SLC45A4: variants seen among roughly 807,000 people sequenced by gnomAD.
SLC45A4 encodes polyamine-transporter SLC45A4.
A neutral mutation model predicts 63.7 loss-of-function variants in SLC45A4; 32 were observed. That is an observed-to-expected ratio of 0.50 (90% CI 0.38 to 0.67). SLC45A4 has a LOEUF of 0.67. Among genes scored for constraint, SLC45A4 ranks in the 30% least tolerant of loss-of-function variants. The pLI is 0.00. For synonymous variants in SLC45A4, 535 were observed against 510.0 expected, an observed-to-expected ratio of 1.05 and a Z score of -0.66; for missense variants, 1,027 against 1,157.7, an observed-to-expected ratio of 0.89 and a Z score of 1.64.
intron 2 of SLC45A4, among the ~76,000 whole-genome samples, chr8:141,245,927 A>C (rs1407778599): frequency 1.3e-5 from 2 of 152,218 alleles, no homozygotes; most frequent in African/African-American, 2.4e-5. Flanking sequence ...CTAGATTCCA[A>C]ACAACTCCTC....
intron 7 of SLC45A4, among the ~76,000 whole-genome samples, chr8:141,212,796 T>C (rs911351017): frequency 6.6e-6 from 1 of 152,108 alleles, no homozygotes; most frequent in African/African-American, 2.4e-5. Context: ...ACTCTGTCAA[T>C]CCAGTCGGGA....
chr8:141,261,794 C>A (rs1201723094), intron 1 of SLC45A4, among the ~76,000 whole-genome samples: 1 of 152,212 alleles, frequency 6.6e-6, no homozygotes, highest in African/African-American at 2.4e-5. Flanking sequence ...AATGGCCACA[C>A]TGCCCAAGGT....
intron 2 of SLC45A4, among the ~76,000 whole-genome samples, chr8:141,245,179 A>G (rs969680455): frequency 1.3e-5 from 2 of 152,200 alleles, no homozygotes; most frequent in Non-Finnish European, 2.9e-5. Flanking sequence ...CATATGTGTC[A>G]ACTCTGCACA....
chr8:141,271,723 G>A (rs375241373), intron 1 of SLC45A4, among the ~76,000 whole-genome samples: 2 of 152,290 alleles, frequency 1.3e-5, no homozygotes, highest in East Asian at 1.9e-4. Context: ...GGGGAAGTCC[G>A]CAGTTCACCA....
intron 8 of SLC45A4, 59 bp downstream of exon 8, chr8:141,212,138 G>GCCCCCCCCCCCCCACCCCCCCCC: frequency 1.5e-6 from 1 of 664,736 alleles, no homozygotes; most frequent in South Asian, 6.0e-5. Flanking sequence ...TGGCCCCGCC[G>GCCCCCCCCCCCCCACCCCCCCCC]CCCGCCCGCC....
intron 3 of SLC45A4, among the ~76,000 whole-genome samples, chr8:141,220,619 C>G (rs527659343): frequency 2.0e-5 from 3 of 152,244 alleles, no homozygotes; most frequent in African/African-American, 7.2e-5. Flanking sequence ...AGCCCGGGAC[C>G]CAGGCCTGAA....
chr8:141,300,781 C>T (rs1369264936), intron 1 of SLC45A4, among the ~76,000 whole-genome samples: 1 of 152,216 alleles, frequency 6.6e-6, no homozygotes, highest in African/African-American at 2.4e-5. Flanking sequence ...CATTTTAGCC[C>T]AACCAGATGA....
Position 141,256,777 on chromosome 8 carries a change from C to T in SLC45A4, c.-400-2148G>A, listed in dbSNP as rs1207092252. 2 of 362,516 alleles carry T rather than the reference C, an allele frequency of 5.5e-6. No individual in the cohort carries two copies. Among genetic ancestry groups the T allele is most frequent in the Non-Finnish European group, 1.1e-5 (2 of 178,922 alleles). 22.5% of individuals were successfully genotyped at this position (362,516 alleles called of 1,614,324 possible). A position where few individuals can be genotyped will look rare whatever the true frequency, so the allele number is the denominator to read the frequency against. ...TTTCAAGTTTTCCAAATGTCCTCTA[C>T]CGTAGAAACATCTCAATTAAAACAA... On this transcript the variant is annotated intron_variant, in intron 1 of 8. Transcript: ENST00000517878. This position sits in a 1 kb window ranked among gnomAD's most constrained non-coding sequence, Gnocchi z 4.3.
Position 141,207,261 on chromosome 8 carries a change from C to G in SLC45A4, c.*4311G>C, listed in dbSNP as rs1176999769. ...TGTGTGCATGGAGGAAATCAGGGCG[C>G]CGCACAGCTGAACCCTGCGCAGGAC... On this transcript the variant is annotated 3_prime_UTR_variant, in exon 9 of 9. Transcript: ENST00000517878. 1 of 152,366 alleles carries G rather than the reference C, an allele frequency of 6.6e-6. No homozygotes were observed. The highest frequency in any genetic ancestry group is 1.5e-5 in the Non-Finnish European group (1 of 68,144). 9.4% of individuals were successfully genotyped at this position (152,366 alleles called of 1,614,324 possible).
In SLC45A4 at chr8:141,303,970, C is replaced by T. The variant is rs114581566; in HGVS notation, c.-401+4126G>A. Reference sequence around the variant, plus strand: ...GATCCCACTCTGGACTGGCTGGCACCCTTATTCCTGCACTGGGGACAAAAT... The same window carrying T: ...GATCCCACTCTGGACTGGCTGGCACTCTTATTCCTGCACTGGGGACAAAAT... On this transcript the variant is annotated intron_variant, in intron 1 of 8. Coordinates refer to ENST00000517878, the MANE Select transcript of SLC45A4 (RefSeq NM_001286646.2). 8.1e-3 allele frequency among the ~76,000 whole-genome samples: 1,239 copies of T among 152,310 alleles called. 22 individuals carry two copies. The highest frequency in any genetic ancestry group is 0.028 in the African/African-American group (1,179 of 41,562).
chr8:141,234,865 T>C (rs1827541502), intron 2 of SLC45A4, among the ~76,000 whole-genome samples: 1 of 152,162 alleles, frequency 6.6e-6, no homozygotes, highest in African/African-American at 2.4e-5. Flanking sequence ...CCTCCTGGGA[T>C]TGCGTCACTG....
chr8:141,221,855 C>G, intron 2 of SLC45A4, 90 bp from the exon 3 acceptor site: 1 of 1,388,802 alleles, frequency 7.2e-7, no homozygotes, highest in South Asian at 1.3e-5. Flanking sequence ...GCAGGTGCCT[C>G]TGTGTACACG....
chr8:141,282,926 G>A (rs1052083642), intron 1 of SLC45A4, among the ~76,000 whole-genome samples: 13 of 152,236 alleles, frequency 8.5e-5, no homozygotes, highest in African/African-American at 2.2e-4. Flanking sequence ...ATGTCAGCGC[G>A]GCCTCGTGCC....
In SLC45A4 at chr8:141,245,465, G is replaced by A. The variant is rs369787905; in HGVS notation, c.241+8524C>T. On this transcript the variant is annotated intron_variant, in intron 2 of 8. Transcript: ENST00000517878. The stretch of plus-strand genomic sequence containing the variant: ...AACAATGGGCCTTCCGCTCCATCAC[G>A]TCTTCTGTCCAGGGTTCCCAGAGCC... Among the ~76,000 whole-genome samples the A allele has an allele frequency of 7.9e-5, 12 of 152,264 alleles. No homozygotes were observed. In the East Asian group the frequency reaches 1.2e-3, roughly 15 times the overall value.
rs151336979 is a variant in SLC45A4, at chr8:141,211,666, G to C, written c.2333C>G (p.Ser778Trp). ...CAGCTGCGGCACCAGCCAATGTGAC[G>C]AGATCTGACAGACGTCAATACCTGC... ...TPAGIDVCQISSHWLVPQLLE... is the reference protein window; with the variant it reads ...TPAGIDVCQIWSHWLVPQLLE... Residue 778 changes from serine (S) to tryptophan (W), a missense_variant, in exon 9 of 9, where the codon TCG (serine) becomes TGG (tryptophan). Coordinates refer to ENST00000517878, the MANE Select transcript of SLC45A4 (RefSeq NM_001286646.2). The C allele has an allele frequency of 1.2e-6, 2 of 1,603,720 alleles. No individual in the cohort carries two copies. The highest frequency in any genetic ancestry group is 3.4e-5 in the Admixed American group (2 of 58,916).
chr8:141,295,329 TC>T (rs1026307578), intron 1 of SLC45A4, among the ~76,000 whole-genome samples: 18 of 152,138 alleles, frequency 1.2e-4, no homozygotes, highest in African/African-American at 4.3e-4. Context: ...CTGCAGGACC[TC>T]CCAGTCCTGG....
intron 2 of SLC45A4, chr8:141,230,233 G>A (rs1220165955): frequency 4.8e-6 from 2 of 420,766 alleles, no homozygotes; most frequent in South Asian, 1.7e-5. Context: ...ACCCACTGTG[G>A]CTGTCAGGGC....
rs116508879 is a variant in SLC45A4, at chr8:141,227,842, T to C, written c.242-6077A>G. The stretch of plus-strand genomic sequence containing the variant: ...TTAGGGTGGAGGGGACAGCAGCACC[T>C]TGAGTGTTCTCACATGTGCCGCCTT... On this transcript the variant is annotated intron_variant, in intron 2 of 8. Transcript: ENST00000517878. This position sits in a 1 kb window ranked among gnomAD's most constrained non-coding sequence, Gnocchi z 4.4. 2.6e-3 allele frequency among the ~76,000 whole-genome samples: 390 copies of C among 152,320 alleles called. 2 individuals are homozygous for C. Among genetic ancestry groups the C allele is most frequent in the African/African-American group, 9.1e-3 (380 of 41,578 alleles).
chr8:141,296,145 A>G (rs1193527627), intron 1 of SLC45A4, among the ~76,000 whole-genome samples: 2 of 152,220 alleles, frequency 1.3e-5, no homozygotes, highest in East Asian at 3.8e-4. Flanking sequence ...AGCCTGGCCA[A>G]CACAGTGAAA....
Sources: gnomAD v4.1 joint callset for allele counts (sites outside exome capture counted in the v4.1 genomes callset) on GRCh38, gnomAD v4.1.1 for gene constraint, Gnocchi (gnomAD v3.1) non-coding constraint, MANE v1.5 for transcripts, NCBI Gene and HGNC (gene_info 2026-07-23, HGNC 2026-07-21) for gene names.